PLEKHM3: variants seen among roughly 807,000 people sequenced by gnomAD.
The protein encoded by PLEKHM3 is pleckstrin homology domain containing M3, also known as pleckstrin homology domain-containing family M member 3.
PLEKHM3 carries 45 observed loss-of-function variants against 81.8 expected under a neutral mutation model. The observed-to-expected ratio is 0.55, with a 90% CI of 0.43 to 0.71. The LOEUF (loss-of-function observed/expected upper bound fraction) is 0.71, where lower values mean the gene tolerates loss of function less well. Among genes scored for constraint, PLEKHM3 ranks in the 30% least tolerant of loss-of-function variants. The probability of loss-of-function intolerance (pLI) is 0.00; values close to 1 mark genes in which losing one functional copy is unlikely to be tolerated. For missense variants in PLEKHM3, 788 were observed against 924.3 expected (o/e 0.85, Z 1.91); for synonymous variants, 352 against 356.4 (o/e 0.99, Z 0.14).
chr2:207,886,674 C>T (rs1309747768), intron 6 of PLEKHM3, among the ~76,000 whole-genome samples: 5 of 152,096 alleles, frequency 3.3e-5, no homozygotes, highest in Non-Finnish European at 7.4e-5. Context: ...ATACCAGCAC[C>T]GGAATGAAAC....
chr2:207,894,453 C>A (rs1263122996), intron 6 of PLEKHM3, among the ~76,000 whole-genome samples: 2 of 152,066 alleles, frequency 1.3e-5, no homozygotes, highest in Non-Finnish European at 2.9e-5. Flanking sequence ...GGTGCTGGCA[C>A]TCCAGGGCTA....
chr2:207,837,000 C>T (rs1392942021), intron 7 of PLEKHM3, among the ~76,000 whole-genome samples: 1 of 152,162 alleles, frequency 6.6e-6, no homozygotes, highest in East Asian at 1.9e-4. Flanking sequence ...TTGCGTATGG[C>T]TACTATGCAA....
chr2:207,995,380 C>T (rs377671229), intron 2 of PLEKHM3, among the ~76,000 whole-genome samples: 18 of 152,152 alleles, frequency 1.2e-4, no homozygotes, highest in African/African-American at 4.1e-4. Flanking sequence ...TGAACATTAT[C>T]GTACTGATCC....
intron 6 of PLEKHM3, chr2:207,901,148 T>A (rs778884381): frequency 7.6e-5 from 50 of 659,120 alleles, no homozygotes; most frequent in Non-Finnish European, 1.0e-4. Flanking sequence ...GGGCTCTCTA[T>A]CCACCACTCA....
At chr2:207,957,388 A>T (rs981419318) in intron 3 of PLEKHM3, among the ~76,000 whole-genome samples, 10 of 152,216 alleles carry the variant, frequency 6.6e-5, no homozygotes, top group Non-Finnish European at 1.0e-4. Flanking sequence ...TAAGATGCAG[A>T]GGTCTTAGAT....
chr2:207,947,100 T>C (rs149693465), intron 3 of PLEKHM3, among the ~76,000 whole-genome samples: 1 of 152,260 alleles, frequency 6.6e-6, no homozygotes, highest in Non-Finnish European at 1.5e-5. Flanking sequence ...TTGTAAGGAA[T>C]TTGGCCTCTG....
chr2:207,970,142 G>C (rs142662959), intron 3 of PLEKHM3, among the ~76,000 whole-genome samples: 130 of 152,160 alleles, frequency 8.5e-4, no homozygotes, highest in Middle Eastern at 3.4e-3. Flanking sequence ...GTTTGTGAAT[G>C]ATAGCTGGGA....
At chr2:207,899,837 G>A (rs1170382423) in intron 6 of PLEKHM3, among the ~76,000 whole-genome samples, 3 of 152,148 alleles carry the variant, frequency 2.0e-5, no homozygotes, top group Non-Finnish European at 4.4e-5. Context: ...TCATTAGAGT[G>A]GTTTAAGGTT....
At chr2:207,973,823 C>G (rs939682637) in intron 3 of PLEKHM3, among the ~76,000 whole-genome samples, 2 of 151,966 alleles carry the variant, frequency 1.3e-5, no homozygotes, top group Non-Finnish European at 2.9e-5. Context: ...TATCACAAAG[C>G]AACTGAATGC....
At chr2:207,872,551 G>T (rs13382754) in intron 6 of PLEKHM3, among the ~76,000 whole-genome samples, 52,582 of 152,036 alleles carry the variant, frequency 0.35, 9,889 homozygotes, top group African/African-American at 0.51. Context: ...ACTTAAACCC[G>T]AGGCGGCCGG....
rs555551672 is a variant in PLEKHM3, at chr2:208,005,104, C to T, written c.-318-3147G>A. Among the ~76,000 whole-genome samples the T allele has an allele frequency of 1.1e-4, 16 of 152,206 alleles. No homozygotes were observed. In the South Asian group the frequency reaches 3.1e-3, roughly 30 times the overall value. On this transcript the variant is annotated intron_variant, in intron 1 of 7. Coordinates refer to ENST00000427836, the MANE Select transcript of PLEKHM3 (RefSeq NM_001080475.3). Reference sequence around the variant, plus strand: ...CCTCCCAAAGTGCTAGGATTACAGGCGTGAGGCACCACTCCTGGCCAACAG... The same window carrying T: ...CCTCCCAAAGTGCTAGGATTACAGGTGTGAGGCACCACTCCTGGCCAACAG...
intron 1 of PLEKHM3, among the ~76,000 whole-genome samples, chr2:208,020,820 C>T (rs551913392): frequency 7.9e-5 from 12 of 152,192 alleles, no homozygotes; most frequent in Non-Finnish European, 1.3e-4. Context: ...CAGACACTCT[C>T]TGTACTTTTC....
rs185395012 is a variant in PLEKHM3, at chr2:207,852,281, T to G, written c.2108+8824A>C. Among the ~76,000 whole-genome samples the G allele has an allele frequency of 3.3e-3, 496 of 152,314 alleles. 2 individuals are homozygous for G. The highest frequency in any genetic ancestry group is 5.1e-3 in the Non-Finnish European group (348 of 68,022). ...TATCTCTAGGGCCACGTTAATTGCC[T>G]TCTCTGAACCTAGGTTTCTTCATTA... On this transcript the variant is annotated intron_variant, in intron 7 of 7. Coordinates refer to ENST00000427836, the MANE Select transcript of PLEKHM3 (RefSeq NM_001080475.3).
At chr2:207,882,826 G>GT (rs945737587) in intron 6 of PLEKHM3, among the ~76,000 whole-genome samples, 18 of 149,326 alleles carry the variant, frequency 1.2e-4, no homozygotes, top group East Asian at 4.0e-4. Context: ...GTTTTTAAAA[G>GT]TTTTTTTTTT....
chr2:207,926,213 G>A (rs1165392813), intron 5 of PLEKHM3, among the ~76,000 whole-genome samples: 1 of 152,114 alleles, frequency 6.6e-6, no homozygotes, highest in Non-Finnish European at 1.5e-5. Flanking sequence ...AATGAGGGAA[G>A]TTCTGTGTAA....
intron 7 of PLEKHM3, among the ~76,000 whole-genome samples, chr2:207,856,878 CTAGTTTAATTTCAT>C (rs1042280551): frequency 6.6e-6 from 1 of 151,838 alleles, no homozygotes; most frequent in Non-Finnish European, 1.5e-5. Flanking sequence ...TTATTGATTT[CTAGTTTAATTTCAT>C]TATGGTTTGA....
At chr2:207,879,334 A>G (rs1337783356) in intron 6 of PLEKHM3, among the ~76,000 whole-genome samples, 1 of 152,184 alleles carries the variant, frequency 6.6e-6, no homozygotes, top group South Asian at 2.1e-4. Context: ...CCTAGTTTCT[A>G]AGGCATTTGT....
chr2:207,885,077 T>C (rs1574370332), intron 6 of PLEKHM3, among the ~76,000 whole-genome samples: 2 of 152,316 alleles, frequency 1.3e-5, no homozygotes, highest in Non-Finnish European at 2.9e-5. Context: ...ACTCAGACAC[T>C]GCAGAGTTAG....
chr2:207,904,404 A>G (rs979886661), intron 6 of PLEKHM3, among the ~76,000 whole-genome samples: 5 of 152,162 alleles, frequency 3.3e-5, no homozygotes, highest in Non-Finnish European at 7.3e-5. Context: ...CTACTAGGCC[A>G]GGTTTACTTG....
Sources: gnomAD v4.1 joint callset for allele counts (sites outside exome capture counted in the v4.1 genomes callset) on GRCh38, gnomAD v4.1.1 for gene constraint, MANE v1.5 for transcripts, NCBI Gene and HGNC (gene_info 2026-07-23, HGNC 2026-07-21) for gene names.